The following ANTXR1 variants were observed in gnomAD, a reference collection of about 807,000 sequenced individuals.
ANTXR1 encodes ANTXR cell adhesion molecule 1, also known as anthrax toxin receptor 1.
Under a neutral mutation model 78.1 loss-of-function variants are expected in ANTXR1, and 19 were observed. The ratio of observed to expected loss-of-function variants is 0.24; its 90% CI spans 0.17 to 0.36. The LOEUF is 0.36. Among genes scored for constraint, ANTXR1 ranks in the 10% least tolerant of loss-of-function variants. ANTXR1 has a pLI of 1.00. For synonymous variants in ANTXR1, 273 were observed against 260.5 expected (o/e 1.05, Z -0.46); for missense variants, 518 against 718.6 (o/e 0.72, Z 3.19).
At chr2:69,206,367 C>G (rs902811175) in intron 17 of ANTXR1, among the ~76,000 whole-genome samples, 1 of 152,228 alleles carries the variant, frequency 6.6e-6, no homozygotes, top group East Asian at 1.9e-4. Context: ...CTAAATGTCA[C>G]AGAGTCTGGA....
At chr2:69,192,985 T>C (rs1439128843) in intron 16 of ANTXR1, among the ~76,000 whole-genome samples, 6 of 152,188 alleles carry the variant, frequency 3.9e-5, no homozygotes, top group Admixed American at 3.3e-4. Context: ...GAAAAAACTT[T>C]AGTGAAATTT....
chr2:69,217,160 T>TA (rs1675198799), intron 17 of ANTXR1, among the ~76,000 whole-genome samples: 1 of 152,220 alleles, frequency 6.6e-6, no homozygotes, highest in Non-Finnish European at 1.5e-5. Context: ...TTGGAACTTA[T>TA]AAGCCATCTG....
rs1673462088 is a variant in ANTXR1, at chr2:69,153,900, TCA to T, written c.1047+1637_1047+1638del. 1.3e-5 allele frequency among the ~76,000 whole-genome samples: 2 copies of T among 152,170 alleles called. 1 individual carries two copies. Among genetic ancestry groups the T allele is most frequent in the South Asian group, 4.1e-4 (2 of 4,828 alleles). On this transcript the variant is annotated intron_variant, in intron 13 of 17. Transcript: ENST00000303714. ...TTGGGCAAGTTTCTTCACCTCTCTC[TCA>T]GTTTCCTCATTGGTATAATGAGGAC...
intron 6 of ANTXR1, among the ~76,000 whole-genome samples, chr2:69,073,864 C>T (rs888684691): frequency 2.0e-5 from 3 of 152,162 alleles, no homozygotes; most frequent in Non-Finnish European, 4.4e-5. Context: ...AAGGTTCATT[C>T]AGGCCCAAGG....
intron 17 of ANTXR1, among the ~76,000 whole-genome samples, chr2:69,206,715 TA>T (rs1183087078): frequency 1.3e-5 from 2 of 152,118 alleles, no homozygotes; most frequent in Non-Finnish European, 2.9e-5. Flanking sequence ...TCTGTGCTTG[TA>T]AACAATAAGC....
chr2:69,157,917 G>A (rs907968483), intron 13 of ANTXR1, among the ~76,000 whole-genome samples: 3 of 152,152 alleles, frequency 2.0e-5, no homozygotes, highest in Non-Finnish European at 4.4e-5. Context: ...TTCAGCGGCC[G>A]TAAAACAGAG....
intron 1 of ANTXR1, among the ~76,000 whole-genome samples, chr2:69,022,658 A>G (rs565952318): frequency 4.5e-4 from 69 of 152,226 alleles, no homozygotes; most frequent in Non-Finnish European, 9.4e-4. Flanking sequence ...GCAGACGTGT[A>G]TTTTGGAAAA....
rs954276056 is a variant in ANTXR1, at chr2:69,013,909, G to C, written c.152+258G>C. Among the ~76,000 whole-genome samples the C allele has an allele frequency of 5.3e-5, 8 of 152,226 alleles. No homozygotes were observed. Among genetic ancestry groups the C allele is most frequent in the Admixed American group, 4.6e-4 (7 of 15,286 alleles). Reference sequence around the variant, plus strand: ...ACTTCTTTTCTGTCTTGCTTTCTGTGTCCCAGGAGCAGGCAAGGGGCTTGG... The same window carrying C: ...ACTTCTTTTCTGTCTTGCTTTCTGTCTCCCAGGAGCAGGCAAGGGGCTTGG... On this transcript the variant is annotated intron_variant, in intron 1 of 17. Coordinates refer to ENST00000303714, the MANE Select transcript of ANTXR1 (RefSeq NM_032208.3). This position sits in a 1 kb window ranked among gnomAD's most constrained non-coding sequence, Gnocchi z 5.0.
chr2:69,127,799 T>C (rs1672590435), intron 12 of ANTXR1, among the ~76,000 whole-genome samples: 2 of 151,988 alleles, frequency 1.3e-5, no homozygotes, highest in Non-Finnish European at 2.9e-5. Flanking sequence ...GGTTTTGGCC[T>C]AAGAAACTGA....
intron 16 of ANTXR1, among the ~76,000 whole-genome samples, chr2:69,187,878 C>T (rs772824778): frequency 5.9e-5 from 9 of 151,532 alleles, no homozygotes; most frequent in Admixed American, 2.0e-4. Context: ...CATAAGCCAC[C>T]GCACCTGGCC....
At chr2:69,088,443 C>T (rs147113487) in intron 8 of ANTXR1, among the ~76,000 whole-genome samples, 214 of 152,278 alleles carry the variant, frequency 1.4e-3, no homozygotes, top group African/African-American at 5.0e-3. Flanking sequence ...CAAAAAACAG[C>T]TTTGTGTTGT....
At chr2:69,071,303 C>T (rs1670557947) in intron 4 of ANTXR1, among the ~76,000 whole-genome samples, 1 of 152,238 alleles carries the variant, frequency 6.6e-6, no homozygotes, top group South Asian at 2.1e-4. Context: ...CTATTACACA[C>T]CTAGGCTATA....
At chr2:69,196,479 T>C (rs1461544740) in intron 17 of ANTXR1, among the ~76,000 whole-genome samples, 2 of 152,194 alleles carry the variant, frequency 1.3e-5, no homozygotes, top group African/African-American at 4.8e-5. Flanking sequence ...CCAGAATTCA[T>C]AGCTGCCTAT....
intron 14 of ANTXR1, among the ~76,000 whole-genome samples, chr2:69,178,939 T>G (rs966403404): frequency 5.9e-5 from 9 of 152,176 alleles, no homozygotes; most frequent in African/African-American, 1.9e-4. Flanking sequence ...ATTCTTGGAG[T>G]TTCTTAACGT....
At chr2:69,175,398 G>A (rs1333580330) in intron 14 of ANTXR1, among the ~76,000 whole-genome samples, 1 of 151,570 alleles carries the variant, frequency 6.6e-6, no homozygotes, top group Non-Finnish European at 1.5e-5. Flanking sequence ...CTTGGGGCCA[G>A]GAGTTCGAGA....
intron 9 of ANTXR1, among the ~76,000 whole-genome samples, chr2:69,094,997 G>C (rs1671353504): frequency 6.6e-6 from 1 of 152,100 alleles, no homozygotes; most frequent in South Asian, 2.1e-4. Context: ...ACAACCTTAG[G>C]GTGCATCAAT....
chr2:69,118,995 A>C (rs1672252345), intron 10 of ANTXR1, among the ~76,000 whole-genome samples: 2 of 152,108 alleles, frequency 1.3e-5, no homozygotes, highest in Admixed American at 6.5e-5. Context: ...GGTCTTCCAC[A>C]GCCTCAGCGA....
intron 13 of ANTXR1, among the ~76,000 whole-genome samples, chr2:69,153,859 T>C (rs923626687): frequency 6.6e-6 from 1 of 152,184 alleles, no homozygotes; most frequent in African/African-American, 2.4e-5. Context: ...CTCCACCAAA[T>C]ACTGGCTGTG....
intron 14 of ANTXR1, among the ~76,000 whole-genome samples, chr2:69,173,813 A>T (rs556697436): frequency 6.6e-6 from 1 of 152,306 alleles, no homozygotes; most frequent in African/African-American, 2.4e-5. Context: ...TCTCAGACAC[A>T]CACAGACCTA....
Sources: gnomAD v4.1 joint callset for allele counts (sites outside exome capture counted in the v4.1 genomes callset) on GRCh38, gnomAD v4.1.1 for gene constraint, Gnocchi (gnomAD v3.1) non-coding constraint, MANE v1.5 for transcripts, NCBI Gene and HGNC (gene_info 2026-07-23, HGNC 2026-07-21) for gene names.